SYT16: variants seen among roughly 807,000 people sequenced by gnomAD.
The protein encoded by SYT16 is synaptotagmin 16, also known as synaptotagmin-16.
Under a neutral mutation model 61.4 loss-of-function variants are expected in SYT16, and 42 were observed. The ratio of observed to expected loss-of-function variants is 0.68; its 90% CI spans 0.53 to 0.89. The LOEUF is 0.89. Ranked by LOEUF, SYT16 falls within the 40% of genes least tolerant of loss-of-function variation. SYT16 has a pLI of 0.00. For synonymous variants in SYT16, 314 were observed against 302.3 expected (o/e 1.04, Z -0.40); for missense variants, 804 against 807.3 (o/e 1.00, Z 0.05).
rs2057605999 is a variant in SYT16 at position 62,111,387 on chromosome 14, AC to A, written c.*10681del. Reference sequence around the variant, plus strand: ...TGTGCTTTATATTACTATTCTACTCACAGCTGGATGCTGCAGATGTATTAAC... The same window carrying A: ...TGTGCTTTATATTACTATTCTACTCAAGCTGGATGCTGCAGATGTATTAAC... On this transcript the variant is annotated 3_prime_UTR_variant, in exon 8 of 8. Transcript: ENST00000683842. The A allele has an allele frequency of 1.3e-5, 2 of 152,104 alleles. No individual in the cohort carries two copies. Among genetic ancestry groups the A allele is most frequent in the African/African-American group, 4.8e-5 (2 of 41,444 alleles). 9.4% of individuals were successfully genotyped at this position (152,104 alleles called of 1,614,324 possible). A position where few individuals can be genotyped will look rare whatever the true frequency, so the allele number is the denominator to read the frequency against.
At chr14:62,083,437 T>A (rs2056777620) in intron 6 of SYT16, among the ~76,000 whole-genome samples, 1 of 152,096 alleles carries the variant, frequency 6.6e-6, no homozygotes, top group Admixed American at 6.5e-5. Context: ...AGTTTTGTGC[T>A]CCTCCTCCCG....
chr14:62,039,902 GAC>G (rs2054660058), intron 3 of SYT16, among the ~76,000 whole-genome samples: 1 of 148,482 alleles, frequency 6.7e-6, no homozygotes, highest in Admixed American at 6.8e-5. Flanking sequence ...AGATTTTACT[GAC>G]TCACATTAGT....
intron 1 of SYT16, among the ~76,000 whole-genome samples, chr14:61,919,960 ACT>A (rs1313782026): frequency 8.7e-6 from 1 of 114,704 alleles, no homozygotes; most frequent in Non-Finnish European, 1.9e-5. Flanking sequence ...ATTTTATCAC[ACT>A]CTGTTTTTCT....
chr14:61,878,344 A>G (rs550184881), intron 1 of SYT16, among the ~76,000 whole-genome samples: 33 of 152,334 alleles, frequency 2.2e-4, no homozygotes, highest in African/African-American at 6.7e-4. Context: ...ATTTGTGGGA[A>G]TACCAGGTTG....
chr14:61,998,398 C>T (rs2052857357), intron 3 of SYT16, among the ~76,000 whole-genome samples: 1 of 151,810 alleles, frequency 6.6e-6, no homozygotes, highest in Non-Finnish European at 1.5e-5. Context: ...CATTTTTAGC[C>T]TCTCTTGTTT....
At chr14:62,053,208 A>C (rs1023075679) in intron 3 of SYT16, among the ~76,000 whole-genome samples, 1 of 152,214 alleles carries the variant, frequency 6.6e-6, no homozygotes, top group South Asian at 2.1e-4. Flanking sequence ...TGAACAGTAA[A>C]GTCCATTCTG....
At chr14:61,930,652 C>T (rs996026164) in intron 1 of SYT16, among the ~76,000 whole-genome samples, 2 of 152,016 alleles carry the variant, frequency 1.3e-5, no homozygotes, top group Non-Finnish European at 2.9e-5. Context: ...GGTTACATGA[C>T]AATGGGTAAT....
chr14:62,079,499 G>A (rs2056629663), intron 5 of SYT16: 1 of 324,232 alleles, frequency 3.1e-6, no homozygotes. Context: ...CAGTGTCATA[G>A]AGCTAGTAAG....
intron 1 of SYT16, among the ~76,000 whole-genome samples, chr14:61,891,572 C>G (rs549356570): frequency 6.6e-6 from 1 of 152,290 alleles, no homozygotes; most frequent in Admixed American, 6.5e-5. Flanking sequence ...AGCTGGGACC[C>G]TTCCAGAATT....
chr14:61,817,459 C>T (rs1594676830), intron 1 of SYT16, among the ~76,000 whole-genome samples: 1 of 151,836 alleles, frequency 6.6e-6, no homozygotes, highest in African/African-American at 2.4e-5. Context: ...AAACTGATAT[C>T]CTGTACTTCC....
Position 61,819,833 on chromosome 14 carries a change from T to C in SYT16, c.-325+7023T>C, listed in dbSNP as rs1180314903. Among the ~76,000 whole-genome samples, 3 of 152,160 alleles carry C rather than the reference T, an allele frequency of 2.0e-5. No individual in the cohort carries two copies. In the East Asian group the frequency reaches 5.8e-4, roughly 29 times the overall value. ...CTCAAAGGCTGGGTAAGAGGTAAAT[T>C]GTTTAACTTCCCGGAGGCTTTGTCT... On this transcript the variant is annotated intron_variant, in intron 1 of 7. Coordinates refer to ENST00000683842, the MANE Select transcript of SYT16 (RefSeq NM_001367656.1).
chr14:61,978,965 A>G (rs916059258), intron 2 of SYT16, among the ~76,000 whole-genome samples: 5 of 152,224 alleles, frequency 3.3e-5, no homozygotes, highest in East Asian at 1.9e-4. Flanking sequence ...TAAATTCAAG[A>G]TTTCGAGACT....
chr14:61,827,727 G>A (rs1303915259), intron 1 of SYT16, among the ~76,000 whole-genome samples: 1 of 151,936 alleles, frequency 6.6e-6, no homozygotes, highest in Non-Finnish European at 1.5e-5. Flanking sequence ...TATTTTGTAT[G>A]TTTTTAAGTG....
At chr14:62,098,480 T>C (rs941750322) in intron 7 of SYT16, among the ~76,000 whole-genome samples, 2 of 152,210 alleles carry the variant, frequency 1.3e-5, no homozygotes, top group African/African-American at 2.4e-5. Flanking sequence ...ATCATGTTAG[T>C]AAAATTTGAG....
At chr14:62,065,562 G>A (rs1831073466) in intron 3 of SYT16, among the ~76,000 whole-genome samples, 1 of 152,056 alleles carries the variant, frequency 6.6e-6, no homozygotes, top group Non-Finnish European at 1.5e-5. Flanking sequence ...TTTTATAGAT[G>A]GAAAGATATC....
intron 1 of SYT16, among the ~76,000 whole-genome samples, chr14:61,920,121 C>T (rs151097037): frequency 6.6e-6 from 1 of 152,264 alleles, no homozygotes; most frequent in East Asian, 1.9e-4. Flanking sequence ...GTCCTTTGGC[C>T]TCTTATTCAT....
chr14:61,931,841 G>C (rs1474920882), intron 1 of SYT16, among the ~76,000 whole-genome samples: 1 of 152,146 alleles, frequency 6.6e-6, no homozygotes, highest in African/African-American at 2.4e-5. Flanking sequence ...ACGTTGGTGT[G>C]CTGCACCCAT....
At position 61,924,551 on chromosome 14, in the gene SYT16, T is replaced by A. The variant is rs184111827; in HGVS notation, c.-324-45581T>A. On this transcript the variant is annotated intron_variant, in intron 1 of 7. Transcript: ENST00000683842. ...TGAATGAAATCTTGGTTCGAGTACC[T>A]ACCCCTCAAAATTCTGTATAAAAAC... Among the ~76,000 whole-genome samples the A allele has an allele frequency of 3.9e-5, 6 of 152,342 alleles. No individual in the cohort carries two copies. In the East Asian group the frequency reaches 1.2e-3, roughly 29 times the overall value.
At chr14:61,956,009 G>T (rs1029426118) in intron 1 of SYT16, among the ~76,000 whole-genome samples, 1 of 151,762 alleles carries the variant, frequency 6.6e-6, no homozygotes, top group Non-Finnish European at 1.5e-5. Context: ...CATTCTAACA[G>T]ATCTGAGGTG....
Sources: allele counts gnomAD v4.1 joint callset (sites outside exome capture counted in the v4.1 genomes callset), GRCh38; gene constraint gnomAD v4.1.1; transcripts MANE v1.5; gene names NCBI Gene and HGNC (gene_info 2026-07-23, HGNC 2026-07-21).